The following LRFN2 variants were observed in gnomAD, a reference collection of about 807,000 sequenced individuals.
LRFN2 encodes leucine rich repeat and fibronectin type III domain containing 2, also known as leucine-rich repeat and fibronectin type-III domain-containing protein 2.
A neutral mutation model predicts 37.3 loss-of-function variants in LRFN2; 18 were observed. The ratio of observed to expected loss-of-function variants is 0.48; its 90% CI spans 0.33 to 0.72. LRFN2 has a LOEUF of 0.72. LRFN2 is among the 30% of genes least tolerant of loss of function. The pLI is 0.02. For missense variants in LRFN2, 1,006 were observed against 1,060.7 expected (o/e 0.95, Z 0.72); for synonymous variants, 556 against 466.6 (o/e 1.19, Z -2.47).
intron 1 of LRFN2, among the ~76,000 whole-genome samples, chr6:40,563,364 A>G (rs1767034985): frequency 6.6e-6 from 1 of 152,134 alleles, no homozygotes; most frequent in Non-Finnish European, 1.5e-5. Flanking sequence ...GGGGCCCTCC[A>G]GGGTCCTGAG....
At chr6:40,433,566 T>C (rs542597452) in intron 1 of LRFN2, among the ~76,000 whole-genome samples, 2 of 152,224 alleles carry the variant, frequency 1.3e-5, no homozygotes, top group Non-Finnish European at 2.9e-5. Flanking sequence ...TACCATATCA[T>C]TGGCTTATCC....
intron 1 of LRFN2, among the ~76,000 whole-genome samples, chr6:40,546,001 A>C (rs1766652551): frequency 6.6e-6 from 1 of 152,202 alleles, no homozygotes; most frequent in African/African-American, 2.4e-5. Context: ...TAGCGCTGGC[A>C]GTCAACTAAC....
chr6:40,432,199 C>G lies in LRFN2; in HGVS notation c.915G>C (p.Ala305=). 6.2e-7 allele frequency: 1 copy of G among 1,613,834 alleles called. No individual in the cohort carries two copies. The highest frequency in any genetic ancestry group is 8.5e-7 in the Non-Finnish European group (1 of 1,180,020). ...CAATGGCTTTGCACTTGAGTGTGGCCGCCTGGCCCTCCAGAACCAGCAACT... is the reference window on the plus strand; with the variant it reads ...CAATGGCTTTGCACTTGAGTGTGGCGGCCTGGCCCTCCAGAACCAGCAACT... The part of the protein sequence containing the change: ...THKLLVLEGQ[A]ATLKCKAIGD... The change falls in exon 2 of 3, where the codon GCG becomes GCC. Residue 305 remains alanine, a synonymous_variant. Transcript: ENST00000338305.
intron 1 of LRFN2, among the ~76,000 whole-genome samples, chr6:40,515,167 G>T (rs1393659151): frequency 6.6e-6 from 1 of 152,206 alleles, no homozygotes; most frequent in African/African-American, 2.4e-5. Flanking sequence ...GCTAAAATGA[G>T]TGTGCTTTTT....
At chr6:40,569,196 G>A (rs1767143973) in intron 1 of LRFN2, among the ~76,000 whole-genome samples, 1 of 152,218 alleles carries the variant, frequency 6.6e-6, no homozygotes, top group Non-Finnish European at 1.5e-5. Flanking sequence ...TATAATCCAG[G>A]CAACAGAAGA....
chr6:40,576,105 A>T (rs888491669), intron 1 of LRFN2, among the ~76,000 whole-genome samples: 3 of 152,186 alleles, frequency 2.0e-5, no homozygotes, highest in Admixed American at 1.3e-4. Flanking sequence ...AAATGGAGAC[A>T]AGTCTGCTTG....
chr6:40,399,167 T>C (rs1290366062), intron 2 of LRFN2, among the ~76,000 whole-genome samples: 1 of 151,800 alleles, frequency 6.6e-6, no homozygotes, highest in African/African-American at 2.4e-5. Flanking sequence ...TGATTCCAGC[T>C]GCCAGGGTTC....
chr6:40,499,962 A>T lies in LRFN2; in HGVS notation c.-18-66831T>A, dbSNP rs547372060. On this transcript the variant is annotated intron_variant, in intron 1 of 2. Transcript: ENST00000338305. ...AGAATGAAAGAAATCTGCAGTTCGT[A>T]TGTATTTCAATAGAGGAAGCTCTAA... Among the ~76,000 whole-genome samples the T allele has an allele frequency of 3.3e-5, 5 of 152,350 alleles. No individual in the cohort carries two copies. In the South Asian group the frequency reaches 8.3e-4, roughly 25 times the overall value.
In LRFN2 at chr6:40,391,985, C is replaced by T. The variant is rs753535572; in HGVS notation, c.2328G>A (p.Gly776=). The change falls in exon 3 of 3, where the codon GGG becomes GGA. Residue 776 remains glycine, a synonymous_variant. Transcript: ENST00000338305. The part of the protein sequence containing the change: ...FEESDLVGAR[G]TFGSSEWVME... ...TCACCCATTCGGAGCTGCCAAAAGT[C>T]CCCCGGGCCCCCACCAGGTCACTCT... 1.9e-6 allele frequency: 3 copies of T among 1,599,754 alleles called. No homozygotes were observed. Among genetic ancestry groups the T allele is most frequent in the Non-Finnish European group, 2.6e-6 (3 of 1,172,692 alleles).
At chr6:40,546,954 T>C (rs1766673941) in intron 1 of LRFN2, among the ~76,000 whole-genome samples, 1 of 152,212 alleles carries the variant, frequency 6.6e-6, no homozygotes, top group Non-Finnish European at 1.5e-5. Context: ...TGAGACAAAA[T>C]AGGACCTTCT....
intron 1 of LRFN2, among the ~76,000 whole-genome samples, chr6:40,528,055 G>A (rs1278422951): frequency 1.3e-5 from 2 of 152,200 alleles, no homozygotes; most frequent in Non-Finnish European, 2.9e-5. Flanking sequence ...AGGTCACACC[G>A]CTGATTAAGG....
chr6:40,560,722 T>C (rs1766977008), intron 1 of LRFN2, among the ~76,000 whole-genome samples: 1 of 152,222 alleles, frequency 6.6e-6, no homozygotes, highest in African/African-American at 2.4e-5. Context: ...CAGAGCAGAA[T>C]AGAATAGATA....
chr6:40,431,912 C>A lies in LRFN2; in HGVS notation c.1202G>T (p.Gly401Val). ...ACCTCCCCGGCTGGTCTTGCTGGAG[C>A]CAGTGATGTCTGAGAGGCGGGACTT... ...PPKSRLSDIT[G>V]SSKTSRGGGG... The change falls in exon 2 of 3, where the codon GGC (glycine) becomes GTC (valine). Residue 401 changes from glycine to valine, a missense_variant. Transcript: ENST00000338305. 2 of 1,612,858 alleles carry A rather than the reference C, an allele frequency of 1.2e-6. No homozygotes were observed. The highest frequency in any genetic ancestry group is 1.7e-6 in the Non-Finnish European group (2 of 1,179,466).
rs575108424 is a variant in LRFN2, at chr6:40,459,618, T to A, written c.-18-26487A>T. On this transcript the variant is annotated intron_variant, in intron 1 of 2. Transcript: ENST00000338305. Reference sequence around the variant, plus strand: ...CTTTCAGGGCCCAGAACAAATGCTATCTCTTCTCCCTTGAAAAATCTGCAT... The same window carrying A: ...CTTTCAGGGCCCAGAACAAATGCTAACTCTTCTCCCTTGAAAAATCTGCAT... Among the ~76,000 whole-genome samples, 193 of 152,296 alleles carry A rather than the reference T, an allele frequency of 1.3e-3. 1 individual carries two copies. Among genetic ancestry groups the A allele is most frequent in the Non-Finnish European group, 2.1e-3 (144 of 68,032 alleles).
intron 1 of LRFN2, among the ~76,000 whole-genome samples, chr6:40,437,877 T>A (rs1207340327): frequency 6.6e-6 from 1 of 152,150 alleles, no homozygotes; most frequent in Non-Finnish European, 1.5e-5. Context: ...ATATCCTCCA[T>A]CTGGGCTCAC....
intron 2 of LRFN2, among the ~76,000 whole-genome samples, chr6:40,396,990 C>T (rs1762630174): frequency 6.6e-6 from 1 of 152,204 alleles, no homozygotes; most frequent in Non-Finnish European, 1.5e-5. Context: ...ACAGTTTGAA[C>T]TTTCCCTTGG....
chr6:40,556,117 C>G (rs181441014), intron 1 of LRFN2, among the ~76,000 whole-genome samples: 1 of 152,294 alleles, frequency 6.6e-6, no homozygotes, highest in South Asian at 2.1e-4. Context: ...GGAAAGCCCC[C>G]GCACCATGCT....
intron 1 of LRFN2, among the ~76,000 whole-genome samples, chr6:40,569,706 T>A (rs1767153431): frequency 6.6e-6 from 1 of 152,196 alleles, no homozygotes; most frequent in South Asian, 2.1e-4. Context: ...ATTTTCTGCA[T>A]TCTGATCTCC....
intron 1 of LRFN2, among the ~76,000 whole-genome samples, chr6:40,531,412 C>T (rs114107690): frequency 1.7e-3 from 266 of 152,264 alleles, no homozygotes; most frequent in African/African-American, 5.6e-3. Context: ...GCACTCTGAA[C>T]GCCCAGGAAC....
Sources: gnomAD v4.1 joint callset for allele counts (sites outside exome capture counted in the v4.1 genomes callset) on GRCh38, gnomAD v4.1.1 for gene constraint, MANE v1.5 for transcripts, NCBI Gene and HGNC (gene_info 2026-07-23, HGNC 2026-07-21) for gene names.